Variants in FBXO28 observed in about 807,000 individuals in gnomAD.
The protein encoded by FBXO28 is F-box protein 28, also known as F-box only protein 28.
In FBXO28, 8 loss-of-function variants were observed where a neutral mutation model predicts 38.1. The observed-to-expected ratio is 0.21, with a 90% CI of 0.12 to 0.38. The LOEUF (loss-of-function observed/expected upper bound fraction) is 0.38, where lower values mean the gene tolerates loss of function less well. FBXO28 is among the 10% of genes least tolerant of loss of function. FBXO28 has a pLI of 1.00. For missense variants in FBXO28, 345 were observed against 460.6 expected, an observed-to-expected ratio of 0.75 and a Z score of 2.30; for synonymous variants, 168 against 173.8, an observed-to-expected ratio of 0.97 and a Z score of 0.26.
At chr1:224,143,767 C>T (rs1657427240) in intron 3 of FBXO28, among the ~76,000 whole-genome samples, 1 of 147,868 alleles carries the variant, frequency 6.8e-6, no homozygotes, top group Admixed American at 6.9e-5. Context: ...ACCCGGGAGG[C>T]GGAGCTTGCA....
intron 3 of FBXO28, among the ~76,000 whole-genome samples, chr1:224,142,035 G>T (rs1483988289): frequency 2.3e-5 from 3 of 128,030 alleles, no homozygotes; most frequent in East Asian, 4.7e-4. Flanking sequence ...GACTCTACAG[G>T]CACATTAAAT....
chr1:224,141,949 C>CA (rs1202783784), intron 3 of FBXO28, among the ~76,000 whole-genome samples: 1 of 150,860 alleles, frequency 6.6e-6, no homozygotes, highest in East Asian at 1.9e-4. Context: ...AGTGCAGTGG[C>CA]ATGACCACAG....
chr1:224,114,275 C>T lies in FBXO28; in HGVS notation c.146C>T (p.Pro49Leu). 1.9e-6 allele frequency: 3 copies of T among 1,556,802 alleles called. No individual in the cohort carries two copies. The highest frequency in any genetic ancestry group is 2.6e-6 in the Non-Finnish European group (3 of 1,150,360). The change falls in exon 1 of 5, where the codon CCA becomes CTA. Residue 49 changes from proline (P) to leucine (L), a missense_variant. Around this residue, in one of 6 missense-constraint regions of FBXO28, gnomAD observed 104 missense variants for 82.0 expected, o/e 1.27. Coordinates refer to ENST00000366862, the MANE Select transcript of FBXO28 (RefSeq NM_015176.4). The part of the protein sequence containing the change: ...QHPQPGSQAL[P>L]APALAPDQLP... ...CCGCAGCCGGGGTCCCAGGCGCTCC[C>T]AGCCCCCGCGCTGGCTCCGGACCAG...
chr1:224,153,418 C>G (rs1486829373), intron 4 of FBXO28, 81 bp downstream of exon 4: 1 of 1,047,494 alleles, frequency 9.5e-7, no homozygotes, highest in Admixed American at 2.6e-5. Flanking sequence ...GTGTCTTGAA[C>G]TTTTCTGTGT....
rs1041852114 is a variant in FBXO28 at position 224,160,698 on chromosome 1, G to A, written c.*2952G>A. The A allele has an allele frequency of 2.2e-4, 34 of 152,160 alleles. No homozygotes were observed. Among genetic ancestry groups the A allele is most frequent in the African/African-American group, 7.2e-4 (30 of 41,440 alleles). 9.4% of individuals were successfully genotyped at this position (152,160 alleles called of 1,614,324 possible). On this transcript the variant is annotated 3_prime_UTR_variant, in exon 5 of 5. Coordinates refer to ENST00000366862, the MANE Select transcript of FBXO28 (RefSeq NM_015176.4). ...TTTAAAGACTATTGGGGTACCATCA[G>A]GTCAAAAGCCACTGATTTGGGAAGC...
At chr1:224,135,224 T>A (rs374375504) in intron 3 of FBXO28, among the ~76,000 whole-genome samples, 1 of 152,184 alleles carries the variant, frequency 6.6e-6, no homozygotes, top group African/African-American at 2.4e-5. Flanking sequence ...TTATGCCAGA[T>A]TTTTCTGAAT....
intron 1 of FBXO28, 73 bp downstream of exon 1, chr1:224,114,469 C>A: frequency 2.3e-6 from 3 of 1,318,838 alleles, no homozygotes; most frequent in Non-Finnish European, 3.1e-6. Context: ...GGAGCGCGTT[C>A]CCCGGGAAGG....
At chr1:224,143,233 AAAG>A (rs1657407346) in intron 3 of FBXO28, among the ~76,000 whole-genome samples, 1 of 151,816 alleles carries the variant, frequency 6.6e-6, no homozygotes, top group Non-Finnish European at 1.5e-5. Flanking sequence ...AAAAAAAAAA[AAAG>A]AGAAGGAGAA....
chr1:224,139,770 A>G (rs1176402836), intron 3 of FBXO28, among the ~76,000 whole-genome samples: 1 of 150,590 alleles, frequency 6.6e-6, no homozygotes, highest in African/African-American at 2.5e-5. Flanking sequence ...GCATGCATAC[A>G]TACATACATA....
chr1:224,136,417 C>G (rs2102620943), intron 3 of FBXO28, among the ~76,000 whole-genome samples: 1 of 151,920 alleles, frequency 6.6e-6, no homozygotes, highest in South Asian at 2.1e-4. Context: ...TGAGATCTTG[C>G]TTCTGGGATG....
At chr1:224,147,164 C>T (rs957109155) in intron 3 of FBXO28, among the ~76,000 whole-genome samples, 1 of 151,618 alleles carries the variant, frequency 6.6e-6, no homozygotes, top group Non-Finnish European at 1.5e-5. Flanking sequence ...GTGGCTCACG[C>T]CTATAATCCC....
At chr1:224,118,001 AT>A (rs1177042799) in intron 1 of FBXO28, among the ~76,000 whole-genome samples, 437 of 28,768 alleles carry the variant, frequency 0.015, 3 homozygotes, top group African/African-American at 0.041. Context: ...TAATTAATTA[AT>A]TTATTTATTT....
intron 3 of FBXO28, among the ~76,000 whole-genome samples, chr1:224,145,450 G>A (rs1216348271): frequency 6.6e-5 from 10 of 152,032 alleles, no homozygotes; most frequent in African/African-American, 2.2e-4. Flanking sequence ...ACTTAAAGTC[G>A]GGATTTTCAA....
chr1:224,119,139 T>TTTTTC (rs1553287746), intron 1 of FBXO28, among the ~76,000 whole-genome samples: 2 of 138,322 alleles, frequency 1.4e-5, no homozygotes, highest in Non-Finnish European at 3.1e-5. Flanking sequence ...TTTTTTCTTT[T>TTTTTC]TTTTTTTTTT....
At chr1:224,135,533 AC>A (rs1657153694) in intron 3 of FBXO28, among the ~76,000 whole-genome samples, 1 of 145,114 alleles carries the variant, frequency 6.9e-6, no homozygotes, top group Non-Finnish European at 1.5e-5. Context: ...AATCGCTTGA[AC>A]CCGGGAGGCG....
chr1:224,123,442 C>CAAAAAAAAAAA (rs10647785), intron 1 of FBXO28, among the ~76,000 whole-genome samples: 2 of 64,294 alleles, frequency 3.1e-5, no homozygotes, highest in African/African-American at 6.3e-5. Context: ...GACCCTGTCT[C>CAAAAAAAAAAA]AAAAAAAAAA....
intron 3 of FBXO28, among the ~76,000 whole-genome samples, chr1:224,146,165 C>T (rs917347364): frequency 2.0e-5 from 3 of 150,666 alleles, no homozygotes; most frequent in South Asian, 2.1e-4. Context: ...ACCTGGGAAG[C>T]GGAGGTTGCA....
At chr1:224,121,266 G>A (rs1656765865) in intron 1 of FBXO28, among the ~76,000 whole-genome samples, 4 of 152,130 alleles carry the variant, frequency 2.6e-5, no homozygotes, top group Admixed American at 2.6e-4. Context: ...TTTTTATGTG[G>A]TGGTTAGGAT....
intron 1 of FBXO28, among the ~76,000 whole-genome samples, chr1:224,119,135 C>CTTTTTTTTTTTTTTTTTTT (rs67458349): frequency 3.6e-5 from 4 of 109,910 alleles, no homozygotes; most frequent in Non-Finnish European, 6.9e-5. Context: ...TCTTTTTTTT[C>CTTTTTTTTTTTTTTTTTTT]TTTTTTTTTT....
Sources: allele counts gnomAD v4.1 joint callset (sites outside exome capture counted in the v4.1 genomes callset), GRCh38; gene constraint gnomAD v4.1.1; regional missense constraint gnomAD v4.1.1; transcripts MANE v1.5; gene names NCBI Gene and HGNC (gene_info 2026-07-23, HGNC 2026-07-21).